The following SDK1 variants were observed in gnomAD, a reference collection of about 807,000 sequenced individuals.
SDK1 encodes sidekick cell adhesion molecule 1, also known as protein sidekick-1.
In SDK1, 157 loss-of-function variants were observed where a neutral mutation model predicts 245.5. The ratio of observed to expected loss-of-function variants is 0.64; its 90% CI spans 0.56 to 0.73. The LOEUF (loss-of-function observed/expected upper bound fraction) is 0.73, where lower values mean the gene tolerates loss of function less well. Ranked by LOEUF, SDK1 falls within the 30% of genes least tolerant of loss-of-function variation. The probability of loss-of-function intolerance (pLI) is 0.00; values close to 1 mark genes in which losing one functional copy is unlikely to be tolerated. For missense variants in SDK1, 3,583 were observed against 3,002.3 expected, an observed-to-expected ratio of 1.19 and a Z score of -4.52; for synonymous variants, 1,647 against 1,278.5, an observed-to-expected ratio of 1.29 and a Z score of -6.15.
At chr7:3,517,787 C>G (rs1583986820) in intron 1 of SDK1, among the ~76,000 whole-genome samples, 1 of 152,122 alleles carries the variant, frequency 6.6e-6, no homozygotes, top group Admixed American at 6.6e-5. Context: ...ATTGCCTGTG[C>G]ATTTCCTCTC....
intron 1 of SDK1, among the ~76,000 whole-genome samples, chr7:3,492,368 C>A (rs536953846): frequency 9.2e-5 from 14 of 152,168 alleles, no homozygotes; most frequent in Non-Finnish European, 1.9e-4. Flanking sequence ...GTGGCAGGCA[C>A]CTGTAGTCCC....
At chr7:3,484,503 T>C (rs955821006) in intron 1 of SDK1, among the ~76,000 whole-genome samples, 5 of 152,236 alleles carry the variant, frequency 3.3e-5, no homozygotes, top group African/African-American at 1.2e-4. Context: ...AAAATATCCT[T>C]GTATAAGTGG....
chr7:3,982,265 G>C (rs528248766), intron 13 of SDK1, among the ~76,000 whole-genome samples: 3 of 152,288 alleles, frequency 2.0e-5, no homozygotes, highest in Non-Finnish European at 4.4e-5. Flanking sequence ...GCTCAGAAAA[G>C]AAAAATTCCT....
At chr7:4,180,063 G>A (rs1782499717) in intron 35 of SDK1, among the ~76,000 whole-genome samples, 1 of 152,098 alleles carries the variant, frequency 6.6e-6, no homozygotes, top group Admixed American at 6.5e-5. Flanking sequence ...AAGAGCTTCA[G>A]CAAGCGGTAG....
At chr7:3,914,597 A>G (rs1003494669) in intron 5 of SDK1, among the ~76,000 whole-genome samples, 9 of 152,334 alleles carry the variant, frequency 5.9e-5, no homozygotes, top group Admixed American at 1.3e-4. Flanking sequence ...GGAAGTTCAA[A>G]GGCTTGCTCT....
At chr7:3,567,071 T>A (rs1257997326) in intron 1 of SDK1, among the ~76,000 whole-genome samples, 3 of 152,170 alleles carry the variant, frequency 2.0e-5, no homozygotes, top group Non-Finnish European at 2.9e-5. Flanking sequence ...AGGAACACTT[T>A]TAGATAATTG....
intron 1 of SDK1, among the ~76,000 whole-genome samples, chr7:3,469,688 G>T (rs1781123059): frequency 6.6e-6 from 1 of 152,104 alleles, no homozygotes; most frequent in Non-Finnish European, 1.5e-5. Flanking sequence ...AGGATTTTCT[G>T]AGCAGTTTGC....
At chr7:3,981,843 T>C (rs1040059471) in intron 13 of SDK1, among the ~76,000 whole-genome samples, 3 of 152,172 alleles carry the variant, frequency 2.0e-5, no homozygotes, top group Non-Finnish European at 4.4e-5. Flanking sequence ...AACATAAAAG[T>C]ACAAGATAAA....
At chr7:3,676,421 G>C (rs1783900487) in intron 4 of SDK1, among the ~76,000 whole-genome samples, 1 of 151,108 alleles carries the variant, frequency 6.6e-6, no homozygotes, top group Non-Finnish European at 1.5e-5. Context: ...CACCTCCCAG[G>C]TTCACACCAT....
At chr7:3,982,003 C>A (rs570241927) in intron 13 of SDK1, among the ~76,000 whole-genome samples, 1 of 152,116 alleles carries the variant, frequency 6.6e-6, no homozygotes, top group African/African-American at 2.4e-5. Context: ...TTCCTAGTTA[C>A]GGAGGAGAAA....
chr7:3,955,174 T>C (rs145677154), intron 7 of SDK1, among the ~76,000 whole-genome samples: 17 of 152,320 alleles, frequency 1.1e-4, no homozygotes, highest in African/African-American at 3.6e-4. Flanking sequence ...ACTCTTTACC[T>C]GGTGGGGCAT....
chr7:3,580,340 T>C (rs1780440050), intron 1 of SDK1, among the ~76,000 whole-genome samples: 2 of 152,084 alleles, frequency 1.3e-5, no homozygotes, highest in African/African-American at 4.8e-5. Flanking sequence ...GCCAAGGCAA[T>C]CCTAAACAAA....
At chr7:3,604,905 A>G (rs1781373424) in intron 1 of SDK1, among the ~76,000 whole-genome samples, 1 of 151,818 alleles carries the variant, frequency 6.6e-6, no homozygotes, top group Admixed American at 6.6e-5. Context: ...TCCAGCCCCA[A>G]ACATTTTTTC....
At chr7:3,357,435 A>G (rs926827664) in intron 1 of SDK1, among the ~76,000 whole-genome samples, 3 of 135,778 alleles carry the variant, frequency 2.2e-5, no homozygotes, top group African/African-American at 8.4e-5. Context: ...CTGCAGCCTC[A>G]GTCTCCCTGG....
chr7:3,524,698 C>G (rs966095887), intron 1 of SDK1, among the ~76,000 whole-genome samples: 1 of 152,154 alleles, frequency 6.6e-6, no homozygotes, highest in Non-Finnish European at 1.5e-5. Flanking sequence ...ACGTTAGGAG[C>G]TCACCTTTAG....
intron 5 of SDK1, among the ~76,000 whole-genome samples, chr7:3,910,106 T>C (rs1053536586): frequency 5.9e-5 from 9 of 152,218 alleles, no homozygotes; most frequent in African/African-American, 2.2e-4. Context: ...GAAAAAGTCC[T>C]GTGTGCGAAT....
At chr7:3,417,415 C>T (rs1157004570) in intron 1 of SDK1, among the ~76,000 whole-genome samples, 1 of 152,088 alleles carries the variant, frequency 6.6e-6, no homozygotes, top group Admixed American at 6.6e-5. Flanking sequence ...AGCCATGTGT[C>T]CTTTGCCTAT....
Position 4,268,621 on chromosome 7 carries a change from T to A in SDK1, c.*3237T>A. On this transcript the variant is annotated 3_prime_UTR_variant, in exon 45 of 45. Coordinates refer to ENST00000404826, the MANE Select transcript of SDK1 (RefSeq NM_152744.4). The stretch of plus-strand genomic sequence containing the variant: ...TAACTGTGACTGGGCTGAAGCATGA[T>A]GTTTGCCTAATGGTTCGTAGCATGG... 2 of 1,367,430 alleles carry A rather than the reference T, an allele frequency of 1.5e-6. No homozygotes were observed. The highest frequency in any genetic ancestry group is 2.0e-6 in the Non-Finnish European group (2 of 1,021,710). The allele number at this position is 1,367,430 out of a possible 1,614,324, so 84.7% of individuals were successfully genotyped here.
chr7:3,588,793 A>G (rs183936655), intron 1 of SDK1, among the ~76,000 whole-genome samples: 3 of 152,204 alleles, frequency 2.0e-5, no homozygotes, highest in Non-Finnish European at 4.4e-5. Context: ...TAAAAGTGTA[A>G]AGCTACTTTG....
Sources: allele counts gnomAD v4.1 joint callset (sites outside exome capture counted in the v4.1 genomes callset), GRCh38; gene constraint gnomAD v4.1.1; transcripts MANE v1.5; gene names NCBI Gene and HGNC (gene_info 2026-07-23, HGNC 2026-07-21).